The following ME1 variants were observed in gnomAD, a reference collection of about 807,000 sequenced individuals.
ME1 encodes malic enzyme 1.
ME1 carries 74 observed loss-of-function variants against 66.4 expected under a neutral mutation model. The ratio of observed to expected loss-of-function variants is 1.11; its 90% CI spans 0.92 to 1.35. The LOEUF (loss-of-function observed/expected upper bound fraction) is 1.35, where lower values mean the gene tolerates loss of function less well. Among genes scored for constraint, ME1 ranks in the 40% most tolerant of loss-of-function variants. ME1 has a pLI of 0.00. For synonymous variants in ME1, 251 were observed against 235.6 expected, an observed-to-expected ratio of 1.07 and a Z score of -0.60; for missense variants, 750 against 694.1, an observed-to-expected ratio of 1.08 and a Z score of -0.90.
At chr6:83,369,167 T>C (rs1342542964) in intron 3 of ME1, among the ~76,000 whole-genome samples, 1 of 152,126 alleles carries the variant, frequency 6.6e-6, no homozygotes, top group African/African-American at 2.4e-5. Context: ...TGTCAGGTCA[T>C]GTGGGTCATT....
intron 1 of ME1, among the ~76,000 whole-genome samples, chr6:83,412,386 TTAAC>T (rs1444472665): frequency 6.6e-6 from 1 of 152,202 alleles, no homozygotes; most frequent in Non-Finnish European, 1.5e-5. Flanking sequence ...TGTGTTCTGT[TTAAC>T]TAGTGTAATC....
intron 7 of ME1, among the ~76,000 whole-genome samples, chr6:83,239,917 C>T (rs930904007): frequency 6.6e-6 from 1 of 152,008 alleles, no homozygotes; most frequent in Admixed American, 6.6e-5. Context: ...ATCTGGATTC[C>T]TCAGATTCTA....
chr6:83,226,785 C>T (rs889127485), intron 11 of ME1, among the ~76,000 whole-genome samples: 3 of 152,040 alleles, frequency 2.0e-5, no homozygotes, highest in African/African-American at 7.2e-5. Flanking sequence ...GGAAAAAAGG[C>T]TCCTTTCAGC....
chr6:83,244,213 A>G (rs1790572446), intron 7 of ME1, among the ~76,000 whole-genome samples: 1 of 152,050 alleles, frequency 6.6e-6, no homozygotes, highest in African/African-American at 2.4e-5. Context: ...AGGAATCCAA[A>G]GAGACTGAAA....
At chr6:83,238,648 A>G (rs1008134136) in intron 8 of ME1, among the ~76,000 whole-genome samples, 1 of 152,022 alleles carries the variant, frequency 6.6e-6, no homozygotes, top group Non-Finnish European at 1.5e-5. Context: ...ACATATTTGT[A>G]TCGTGGCATT....
At chr6:83,217,400 A>G (rs1790013544) in intron 12 of ME1, among the ~76,000 whole-genome samples, 1 of 152,198 alleles carries the variant, frequency 6.6e-6, no homozygotes, top group Non-Finnish European at 1.5e-5. Flanking sequence ...GTATATCTTA[A>G]TATCTTTTAG....
intron 5 of ME1, among the ~76,000 whole-genome samples, chr6:83,317,007 A>C (rs955453051): frequency 6.6e-6 from 1 of 152,172 alleles, no homozygotes; most frequent in East Asian, 1.9e-4. Context: ...GAATAGAGAA[A>C]ATTGAAATAA....
intron 2 of ME1, among the ~76,000 whole-genome samples, chr6:83,404,991 C>T (rs1188723056): frequency 1.3e-5 from 2 of 152,158 alleles, no homozygotes; most frequent in East Asian, 3.9e-4. Flanking sequence ...GCTATGCAGG[C>T]TCTTCTTTGG....
rs567652862 is a variant in ME1, at chr6:83,402,645, G to A, written c.213-4129C>T. The stretch of plus-strand genomic sequence containing the variant: ...GAAAGAGTATGTCTGAAATACAGGA[G>A]ACCCCTTAGGGTAGCTCTTAGTATT... On this transcript the variant is annotated intron_variant, in intron 2 of 13. Coordinates refer to ENST00000369705, the MANE Select transcript of ME1 (RefSeq NM_002395.6). 2.4e-4 allele frequency among the ~76,000 whole-genome samples: 36 copies of A among 152,176 alleles called. 1 individual carries two copies. In the South Asian group the frequency reaches 6.8e-3, roughly 29 times the overall value.
intron 2 of ME1, among the ~76,000 whole-genome samples, chr6:83,405,581 C>A (rs1442405097): frequency 6.6e-6 from 1 of 152,106 alleles, no homozygotes; most frequent in Non-Finnish European, 1.5e-5. Flanking sequence ...TTGTCTTGTA[C>A]CGGTTTTCAA....
intron 12 of ME1, among the ~76,000 whole-genome samples, chr6:83,222,694 A>T (rs932543730): frequency 3.3e-5 from 5 of 152,154 alleles, no homozygotes; most frequent in African/African-American, 1.2e-4. Context: ...AGGGAAACTG[A>T]TAGGAACATG....
At chr6:83,416,332 T>C (rs1350452469) in intron 1 of ME1, among the ~76,000 whole-genome samples, 3 of 152,210 alleles carry the variant, frequency 2.0e-5, no homozygotes, top group African/African-American at 7.2e-5. Flanking sequence ...TACATGAATA[T>C]TGACTTTTAT....
chr6:83,254,156 A>G (rs1276679388), intron 6 of ME1, among the ~76,000 whole-genome samples: 1 of 152,220 alleles, frequency 6.6e-6, no homozygotes, highest in East Asian at 1.9e-4. Flanking sequence ...TCAAAAGTAG[A>G]GATGTGGGGT....
At chr6:83,309,765 C>T (rs528561979) in intron 6 of ME1, among the ~76,000 whole-genome samples, 6 of 151,998 alleles carry the variant, frequency 3.9e-5, no homozygotes, top group Middle Eastern at 3.4e-3. Flanking sequence ...CTTCAAGCCC[C>T]GAAGCATTCT....
At chr6:83,371,425 C>T (rs1423460916) in intron 3 of ME1, among the ~76,000 whole-genome samples, 2 of 152,138 alleles carry the variant, frequency 1.3e-5, no homozygotes, top group Non-Finnish European at 2.9e-5. Context: ...TTTTGGAAAA[C>T]TGACAGAGAC....
intron 5 of ME1, among the ~76,000 whole-genome samples, chr6:83,319,320 TA>T (rs1297554572): frequency 6.8e-6 from 1 of 147,768 alleles, no homozygotes. Flanking sequence ...AAAAATAAAA[TA>T]AAATAAAAAT....
intron 6 of ME1, among the ~76,000 whole-genome samples, chr6:83,290,211 T>G (rs879737676): frequency 1.3e-5 from 2 of 152,174 alleles, no homozygotes; most frequent in Non-Finnish European, 2.9e-5. Context: ...TTCTTTTAAT[T>G]GTGATGTTAG....
intron 3 of ME1, among the ~76,000 whole-genome samples, chr6:83,385,612 C>T (rs6937193): frequency 0.34 from 50,891 of 151,656 alleles, 9,073 homozygotes; most frequent in Middle Eastern, 0.5. Context: ...AAGATTTATA[C>T]GTCTACGCAC....
intron 9 of ME1, among the ~76,000 whole-genome samples, chr6:83,233,948 T>C (rs904862560): frequency 3.3e-5 from 5 of 152,050 alleles, no homozygotes; most frequent in African/African-American, 1.2e-4. Context: ...TTAAATAGTG[T>C]ACAAGCTATT....
Sources: allele counts gnomAD v4.1 joint callset (sites outside exome capture counted in the v4.1 genomes callset), GRCh38; gene constraint gnomAD v4.1.1; transcripts MANE v1.5; gene names NCBI Gene and HGNC (gene_info 2026-07-23, HGNC 2026-07-21).